PYHIN1: variants seen among roughly 807,000 people sequenced by gnomAD.
The protein encoded by PYHIN1 is pyrin and HIN domain family member 1.
In PYHIN1, 32 loss-of-function variants were observed where a neutral mutation model predicts 43.7. The observed-to-expected ratio is 0.73, with a 90% confidence interval of 0.55 to 0.98. The LOEUF (loss-of-function observed/expected upper bound fraction) is 0.98. Among genes scored for constraint, PYHIN1 ranks in the 50% least tolerant of loss-of-function variants. The probability of loss-of-function intolerance (pLI) is 0.00; values close to 1 mark genes in which losing one functional copy is unlikely to be tolerated. For missense variants in PYHIN1, 588 were observed against 589.5 expected (o/e 1.00, Z 0.03); for synonymous variants, 205 against 203.1 (o/e 1.01, Z -0.08).
chr1:158,937,241 C>A, intron 2 of PYHIN1, 66 bp downstream of exon 2: 1 of 1,481,926 alleles, frequency 6.7e-7, no homozygotes, highest in Non-Finnish European at 9.0e-7. Context: ...TTGATTAGAA[C>A]GCCACCTTGG....
chr1:158,973,565 A>G (rs1651067941), intron 7 of PYHIN1, 82 bp from the exon 8 acceptor site: 1 of 1,450,170 alleles, frequency 6.9e-7, no homozygotes, highest in South Asian at 1.2e-5. Context: ...CATCCAACTT[A>G]TATAGGAAAA....
intron 7 of PYHIN1, among the ~76,000 whole-genome samples, chr1:158,955,457 A>G (rs1649858992): frequency 6.6e-6 from 1 of 151,696 alleles, no homozygotes; most frequent in African/African-American, 2.4e-5. Flanking sequence ...CTCACTCAAA[A>G]CCGCTCAACT....
downstream of PYHIN1, among the ~76,000 whole-genome samples, chr1:158,980,383 G>C (rs1475589014): frequency 1.3e-5 from 2 of 152,122 alleles, no homozygotes; most frequent in Admixed American, 1.3e-4. Flanking sequence ...AGCTCTGACT[G>C]CCTGCGGGTT....
chr1:158,941,211 T>C (rs2101655669), intron 4 of PYHIN1, among the ~76,000 whole-genome samples: 1 of 152,320 alleles, frequency 6.6e-6, no homozygotes, highest in African/African-American at 2.4e-5. Flanking sequence ...TGCTTTTTCT[T>C]GAAATTGAAC....
At chr1:158,941,092 T>A (rs1462407771) in intron 4 of PYHIN1, among the ~76,000 whole-genome samples, 1 of 152,122 alleles carries the variant, frequency 6.6e-6, no homozygotes, top group Non-Finnish European at 1.5e-5. Flanking sequence ...AAAAGTCAGA[T>A]CAAATAAAGT....
At chr1:158,982,538 T>G in the PYHIN1 span, among the ~76,000 whole-genome samples, 1 of 152,168 alleles carries the variant, frequency 6.6e-6, no homozygotes, top group Admixed American at 6.5e-5. Flanking sequence ...CTTTGGTGAC[T>G]GTAACTTTGT....
rs1648961406 is a variant in PYHIN1, at chr1:158,942,173, T to A, written c.776T>A (p.Leu259Ter). ...CATGTGAAGGTTTTAAACATCAACT[T>A]GAAGAGGAAATTCATTAAAAAGAGA... ...FFHVKVLNIN[L>*]KRKFIKKRII... Residue 259 changes from leucine to a stop codon, truncating the protein, a stop_gained, in exon 5 of 9, where the codon TTG becomes TAG. Transcript: ENST00000368140. LOFTEE classifies it high-confidence loss of function. The A allele has an allele frequency of 1.2e-6, 2 of 1,614,102 alleles. No individual in the cohort carries two copies.
chr1:158,950,799 G>T (rs1571745251), intron 7 of PYHIN1, among the ~76,000 whole-genome samples: 1 of 152,154 alleles, frequency 6.6e-6, no homozygotes, highest in African/African-American at 2.4e-5. Context: ...TGTCTTTGGG[G>T]GTTATATGGG....
At chr1:158,989,078 C>T in the PYHIN1 span, among the ~76,000 whole-genome samples, 1 of 152,256 alleles carries the variant, frequency 6.6e-6, no homozygotes, top group African/African-American at 2.4e-5. Flanking sequence ...CTGTCTGGTT[C>T]TTCCCTTTTA....
the PYHIN1 span, among the ~76,000 whole-genome samples, chr1:158,987,852 T>C: frequency 2.5e-4 from 38 of 152,326 alleles, no homozygotes; most frequent in South Asian, 8.3e-4. Flanking sequence ...AGTGTCTTCC[T>C]GGCAAAGCTA....
At chr1:158,960,573 T>A (rs1325606511) in intron 7 of PYHIN1, among the ~76,000 whole-genome samples, 1 of 152,222 alleles carries the variant, frequency 6.6e-6, no homozygotes, top group East Asian at 1.9e-4. Flanking sequence ...ACTACTTACT[T>A]ATGGCTCACT....
chr1:158,978,310 G>T (rs1409185075), downstream of PYHIN1, among the ~76,000 whole-genome samples: 2 of 150,910 alleles, frequency 1.3e-5, no homozygotes, highest in Non-Finnish European at 2.9e-5. Context: ...TGATAATTTG[G>T]TTCACTTGGG....
At chr1:158,965,388 A>C (rs58244847) in intron 7 of PYHIN1, among the ~76,000 whole-genome samples, 1,668 of 152,300 alleles carry the variant, frequency 0.011, 38 homozygotes, top group African/African-American at 0.039. Context: ...AATACTTGAC[A>C]AGATGGACCT....
chr1:158,983,303 G>T, the PYHIN1 span, among the ~76,000 whole-genome samples: 1 of 151,962 alleles, frequency 6.6e-6, no homozygotes, highest in African/African-American at 2.4e-5. Context: ...GTCTCATTTT[G>T]AGGTATGTTC....
chr1:158,953,298 G>A (rs1252679380), intron 7 of PYHIN1, among the ~76,000 whole-genome samples: 1 of 145,066 alleles, frequency 6.9e-6, no homozygotes, highest in East Asian at 2.0e-4. Flanking sequence ...TCTGGGGGCA[G>A]GGCACAGACA....
the PYHIN1 span, among the ~76,000 whole-genome samples, chr1:158,986,407 A>G: frequency 6.6e-6 from 1 of 152,108 alleles, no homozygotes; most frequent in East Asian, 1.9e-4. Flanking sequence ...TGTGTGCTCT[A>G]CCCCTAGGGG....
At chr1:158,974,397 A>T (rs1651127037) in intron 8 of PYHIN1, among the ~76,000 whole-genome samples, 1 of 152,118 alleles carries the variant, frequency 6.6e-6, no homozygotes, top group Admixed American at 6.6e-5. Context: ...TTTCAACCAC[A>T]CTTGATAATA....
downstream of PYHIN1, among the ~76,000 whole-genome samples, chr1:158,978,481 A>G (rs1346676797): frequency 6.6e-6 from 1 of 152,152 alleles, no homozygotes; most frequent in Non-Finnish European, 1.5e-5. Flanking sequence ...CTGCTAAAAC[A>G]TCCTCCAAAT....
At chr1:158,972,048 A>G (rs1650960367) in intron 7 of PYHIN1, among the ~76,000 whole-genome samples, 2 of 152,148 alleles carry the variant, frequency 1.3e-5, no homozygotes, top group Non-Finnish European at 2.9e-5. Context: ...ATACATAATC[A>G]GGCTTCATCT....
Sources: allele counts gnomAD v4.1 joint callset (sites outside exome capture counted in the v4.1 genomes callset), GRCh38; gene constraint gnomAD v4.1.1; transcripts MANE v1.5; gene names NCBI Gene and HGNC (gene_info 2026-07-23, HGNC 2026-07-21).